The following GFM1 variants were observed in gnomAD, a reference collection of about 807,000 sequenced individuals.
GFM1 encodes the protein G elongation factor mitochondrial 1, also known as elongation factor G, mitochondrial.
GFM1 carries 62 observed loss-of-function variants against 96.2 expected under a neutral mutation model. The observed-to-expected ratio is 0.64, with a 90% CI of 0.53 to 0.80. The LOEUF (loss-of-function observed/expected upper bound fraction) is 0.80. Ranked by LOEUF, GFM1 falls within the 30% of genes least tolerant of loss-of-function variation. The probability of loss-of-function intolerance (pLI) is 0.00; values close to 1 mark genes in which losing one functional copy is unlikely to be tolerated. For synonymous variants in GFM1, 282 were observed against 312.9 expected, an observed-to-expected ratio of 0.90 and a Z score of 1.04; for missense variants, 852 against 916.6, an observed-to-expected ratio of 0.93 and a Z score of 0.91.
intron 5 of GFM1, chr3:158,650,374 T>G: frequency 3.7e-6 from 1 of 270,412 alleles, no homozygotes. Context: ...AATGAATGAA[T>G]AAATCCACTT....
intron 10 of GFM1, 97 bp from the exon 11 acceptor site, chr3:158,662,531 T>G: frequency 1.3e-6 from 1 of 766,854 alleles, no homozygotes; most frequent in Non-Finnish European, 2.4e-6. Flanking sequence ...TATTTATCCT[T>G]TGTTCTGTTG....
rs62288302 is a variant in GFM1, at chr3:158,672,401, C to T, written c.1601+6015C>T. The T allele has an allele frequency of 6.8e-6, 11 of 1,613,944 alleles. No individual in the cohort carries two copies. In the African/African-American group the frequency reaches 1.2e-4, roughly 18 times the overall value. ...GCACCTCAAACACCCTGTGCGGGGT[C>T]CCCTGCTGGTAGTTGATGTAGTTCT... On this transcript the variant is annotated intron_variant, in intron 13 of 17. Transcript: ENST00000486715.
chr3:158,694,243 G>T lies in GFM1; in HGVS notation c.*2776G>T, dbSNP rs1049265901. ...GTACATACACATTGTGGAATACTAT[G>T]CAGCCATAAAAAAAGAATGAGATCA... On this transcript the variant is annotated 3_prime_UTR_variant, in exon 18 of 18. Coordinates refer to ENST00000486715, the MANE Select transcript of GFM1 (RefSeq NM_024996.7). Among the ~76,000 whole-genome samples, 1 of 146,874 alleles carries T rather than the reference G, an allele frequency of 6.8e-6. No homozygotes were observed. Among genetic ancestry groups the T allele is most frequent in the African/African-American group, 2.5e-5 (1 of 40,624 alleles).
Position 158,677,623 on chromosome 3 carries a change from G to C in GFM1, c.1602-4372G>C, listed in dbSNP as rs1725014114. On this transcript the variant is annotated intron_variant, in intron 13 of 17. Transcript: ENST00000486715. Reference sequence around the variant, plus strand: ...GGGTTCAAGCAGTTTTCCTGCCTCAGCCTCCCAGGTAGCTGGGATTACAGG... The same window carrying C: ...GGGTTCAAGCAGTTTTCCTGCCTCACCCTCCCAGGTAGCTGGGATTACAGG... 1.3e-5 allele frequency among the ~76,000 whole-genome samples: 2 copies of C among 152,140 alleles called. 1 individual carries two copies. Among genetic ancestry groups the C allele is most frequent in the South Asian group, 4.1e-4 (2 of 4,834 alleles).
At chr3:158,659,307 A>G (rs1723008939) in intron 9 of GFM1, among the ~76,000 whole-genome samples, 3 of 152,202 alleles carry the variant, frequency 2.0e-5, no homozygotes, top group Admixed American at 2.0e-4. Context: ...AAGGTTAAGG[A>G]AAGAGACAGT....
intron 8 of GFM1, among the ~76,000 whole-genome samples, chr3:158,655,156 T>C (rs570126905): frequency 3.8e-4 from 58 of 152,150 alleles, no homozygotes; most frequent in African/African-American, 1.3e-3. Context: ...TCGCAAACAA[T>C]TGAAAATGCC....
At chr3:158,659,172 A>G in intron 9 of GFM1, 113 bp downstream of exon 9, 3 of 1,215,650 alleles carry the variant, frequency 2.5e-6, no homozygotes, top group Non-Finnish European at 1.2e-6. Flanking sequence ...ATATGTTTCT[A>G]GTTTCTTTCT....
chr3:158,666,643 T>C (rs1387059825), intron 13 of GFM1: 1 of 1,611,508 alleles, frequency 6.2e-7, no homozygotes. Context: ...TTAGGGTTTT[T>C]GTTTATTCCA....
At position 158,669,715 on chromosome 3, in the gene GFM1, T is replaced by G. The variant is rs548229537; in HGVS notation, c.1601+3329T>G. On this transcript the variant is annotated intron_variant, in intron 13 of 17. Coordinates refer to ENST00000486715, the MANE Select transcript of GFM1 (RefSeq NM_024996.7). ...GCATAGGCTCCTAATGGTGTTGTTTTAGACTAGACTTCAAAGTGCTTGTTT... is the reference window on the plus strand; with the variant it reads ...GCATAGGCTCCTAATGGTGTTGTTTGAGACTAGACTTCAAAGTGCTTGTTT... The G allele has an allele frequency of 6.8e-5, 73 of 1,081,280 alleles. No individual in the cohort carries two copies. The South Asian group carries it at 9.3e-4, about 14-fold the overall frequency. 67.0% of individuals were successfully genotyped at this position (1,081,280 alleles called of 1,614,324 possible). A position where few individuals can be genotyped will look rare whatever the true frequency, so the allele number is the denominator to read the frequency against.
chr3:158,678,640 A>G (rs1725103942), intron 13 of GFM1, among the ~76,000 whole-genome samples: 1 of 152,196 alleles, frequency 6.6e-6, no homozygotes, highest in Non-Finnish European at 1.5e-5. Flanking sequence ...GGATAAGCAA[A>G]GAAAGTAGTT....
intron 7 of GFM1, 93 bp from the exon 8 acceptor site, chr3:158,654,454 T>A (rs1722574902): frequency 1.2e-6 from 1 of 811,344 alleles, no homozygotes; most frequent in East Asian, 2.7e-5. Flanking sequence ...ACACACGTGC[T>A]TTTTCTCAGA....
intron 16 of GFM1, among the ~76,000 whole-genome samples, chr3:158,690,827 A>C (rs1726250194): frequency 6.6e-6 from 1 of 152,222 alleles, no homozygotes; most frequent in African/African-American, 2.4e-5. Flanking sequence ...TTCTCAGAAG[A>C]AGCACTTCTG....
chr3:158,686,376 T>A lies in GFM1; in HGVS notation c.1909+1708T>A, dbSNP rs1725845628. 3.5e-5 allele frequency among the ~76,000 whole-genome samples: 5 copies of A among 140,962 alleles called. No homozygotes were observed. The South Asian group carries it at 1.1e-3, about 31-fold the overall frequency. 92.5% of individuals were successfully genotyped at this position (140,962 alleles called of 152,430 possible). ...ATATAAATATGTTCTGTGGAAAAAATGTATATGGCCATTTTATATATAAAA... is the reference window on the plus strand; with the variant it reads ...ATATAAATATGTTCTGTGGAAAAAAAGTATATGGCCATTTTATATATAAAA... On this transcript the variant is annotated intron_variant, in intron 15 of 17. Transcript: ENST00000486715.
At chr3:158,687,784 T>G (rs1171263646) in intron 15 of GFM1, among the ~76,000 whole-genome samples, 5 of 152,146 alleles carry the variant, frequency 3.3e-5, no homozygotes, top group Non-Finnish European at 7.3e-5. Context: ...ATAATTATTA[T>G]TTGTCAATTA....
In GFM1 at chr3:158,644,661, C is replaced by G; in HGVS notation, c.27C>G (p.Val9=). 6.3e-7 allele frequency: 1 copy of G among 1,576,294 alleles called. No homozygotes were observed. Among genetic ancestry groups the G allele is most frequent in the East Asian group, 2.3e-5 (1 of 43,362 alleles). The change falls in exon 1 of 18, where the codon GTC becomes GTG. Residue 9 remains valine (V), a synonymous_variant. Coordinates refer to ENST00000486715, the MANE Select transcript of GFM1 (RefSeq NM_024996.7). The part of the protein sequence containing the change: MRLLGAAA[V]AALGRGRAPA... ...TGAGACTCCTGGGAGCTGCAGCCGT[C>G]GCGGCTCTGGGGCGCGGAAGGGCCC... is the stretch of plus-strand genomic sequence containing the variant.
Position 158,644,651 on chromosome 3 carries a change from C to G in GFM1, c.17C>G (p.Ala6Gly). 1.3e-6 allele frequency: 2 copies of G among 1,573,832 alleles called. No homozygotes were observed. The highest frequency in any genetic ancestry group is 2.7e-5 in the African/African-American group (2 of 74,556). MRLLGAAAVAALGRGR... is the reference protein window; with the variant it reads MRLLGGAAVAALGRGR... Reference sequence around the variant, plus strand: ...GCGCTTGCCATGAGACTCCTGGGAGCTGCAGCCGTCGCGGCTCTGGGGCGC... The same window carrying G: ...GCGCTTGCCATGAGACTCCTGGGAGGTGCAGCCGTCGCGGCTCTGGGGCGC... Residue 6 changes from alanine to glycine, a missense_variant, in exon 1 of 18, where the codon GCT (alanine) becomes GGT (glycine). Coordinates refer to ENST00000486715, the MANE Select transcript of GFM1 (RefSeq NM_024996.7).
chr3:158,653,265 A>G (rs1722441912), intron 6 of GFM1, 45 bp from the exon 7 acceptor site: 2 of 1,497,992 alleles, frequency 1.3e-6, no homozygotes, highest in Non-Finnish European at 1.9e-6. Context: ...GAAGCACAAC[A>G]TGTAATTTTA....
chr3:158,646,624 G>T, intron 3 of GFM1, 119 bp from the exon 4 acceptor site: 1 of 935,528 alleles, frequency 1.1e-6, no homozygotes, highest in Non-Finnish European at 1.7e-6. Context: ...GTGAGCTCAG[G>T]AATCTACATT....
intron 15 of GFM1, among the ~76,000 whole-genome samples, chr3:158,689,250 G>C (rs1363705818): frequency 1.3e-5 from 2 of 152,156 alleles, no homozygotes; most frequent in Non-Finnish European, 2.9e-5. Flanking sequence ...GACACACTGA[G>C]TTTTAGTGTT....
Sources: gnomAD v4.1 joint callset for allele counts (sites outside exome capture counted in the v4.1 genomes callset) on GRCh38, gnomAD v4.1.1 for gene constraint, MANE v1.5 for transcripts, NCBI Gene and HGNC (gene_info 2026-07-23, HGNC 2026-07-21) for gene names.